Variants in RIOX2 observed in about 807,000 individuals in gnomAD.
The protein encoded by RIOX2 is 60S ribosomal protein L27a histidine hydroxylase.
Under a neutral mutation model 51.2 loss-of-function variants are expected in RIOX2, and 43 were observed. The observed-to-expected ratio is 0.84, with a 90% CI of 0.66 to 1.08. The LOEUF is 1.08. Ranked by LOEUF, RIOX2 falls within the 50% of genes least tolerant of loss-of-function variation. The pLI is 0.00. For missense variants in RIOX2, 566 were observed against 561.7 expected (o/e 1.01, Z -0.08); for synonymous variants, 226 against 218.5 (o/e 1.03, Z -0.30).
chr3:97,968,104 A>G (rs899734834), intron 1 of RIOX2, among the ~76,000 whole-genome samples: 2 of 152,150 alleles, frequency 1.3e-5, no homozygotes, highest in Non-Finnish European at 2.9e-5. Context: ...GCCCACTGCC[A>G]GGTGCTCCTC....
At chr3:97,949,117 T>G (rs1275963321) in intron 7 of RIOX2, among the ~76,000 whole-genome samples, 1 of 152,120 alleles carries the variant, frequency 6.6e-6, no homozygotes, top group Non-Finnish European at 1.5e-5. Flanking sequence ...ATGTTCAAAT[T>G]TGATCCCCAG....
At chr3:97,956,819 G>A (rs568675434) in intron 4 of RIOX2, among the ~76,000 whole-genome samples, 4 of 152,312 alleles carry the variant, frequency 2.6e-5, no homozygotes, top group Non-Finnish European at 4.4e-5. Context: ...AAAGGAGGCA[G>A]CAAAATAATA....
At position 97,949,854 on chromosome 3, in the gene RIOX2, C is replaced by A; in HGVS notation, c.1050G>T (p.Leu350=). The change falls in exon 7 of 10, where the codon CTG becomes CTT. Residue 350 remains leucine, a synonymous_variant. Coordinates refer to ENST00000394198, the MANE Select transcript of RIOX2 (RefSeq NM_153182.4). ...PPYSAGDGAE[L]STPGGKLPRL... is the part of the protein sequence containing the mutation. ...AACAGCAAGCTCCACCTGGTGTTGA[C>A]AGCTCTGCCCCATCTCCCGCAGAGT... 6.2e-7 allele frequency: 1 copy of A among 1,613,446 alleles called. No individual in the cohort carries two copies. The highest frequency in any genetic ancestry group is 8.5e-7 in the Non-Finnish European group (1 of 1,179,760).
rs771839972 is a variant in RIOX2 at position 97,943,364 on chromosome 3, A to ACAT, written c.*1817_*1819dup. On this transcript the variant is annotated 3_prime_UTR_variant, in exon 10 of 10. Coordinates refer to ENST00000394198, the MANE Select transcript of RIOX2 (RefSeq NM_153182.4). ...CCCTAGAAAGAGCAAAGAAGGAAAC[A>ACAT]CATCTGTCATTGTCTTGTGGACGTG... 4.4e-5 allele frequency: 46 copies of ACAT among 1,048,812 alleles called. No homozygotes were observed. Among genetic ancestry groups the ACAT allele is most frequent in the Middle Eastern group, 4.0e-4 (2 of 4,960 alleles). 65.0% of individuals were successfully genotyped at this position (1,048,812 alleles called of 1,614,324 possible).
At chr3:97,956,413 T>C (rs1207502686) in intron 4 of RIOX2, among the ~76,000 whole-genome samples, 1 of 152,218 alleles carries the variant, frequency 6.6e-6, no homozygotes, top group Non-Finnish European at 1.5e-5. Flanking sequence ...AATGAATTTA[T>C]GTTGTTTTAA....
At chr3:97,962,569 C>A (rs1438314627) in intron 2 of RIOX2, among the ~76,000 whole-genome samples, 1 of 152,160 alleles carries the variant, frequency 6.6e-6, no homozygotes, top group Non-Finnish European at 1.5e-5. Flanking sequence ...CTCTTCAGAG[C>A]AGACATCAGA....
rs1489457910 is a variant in RIOX2 at position 97,944,581 on chromosome 3, T to C, written c.*603A>G. 1 of 152,394 alleles carries C rather than the reference T, an allele frequency of 6.6e-6. No homozygotes were observed. The highest frequency in any genetic ancestry group is 1.5e-5 in the Non-Finnish European group (1 of 67,920). 9.4% of individuals were successfully genotyped at this position (152,394 alleles called of 1,614,324 possible). On this transcript the variant is annotated 3_prime_UTR_variant, in exon 10 of 10. Transcript: ENST00000394198. ...TATTTTGAGTATTTTTTATAGACTT[T>C]AAATACTGGGTTTTTTTCCTCCTTC... is the stretch of plus-strand genomic sequence containing the variant.
intron 6 of RIOX2, 68 bp downstream of exon 6, chr3:97,950,718 A>G: frequency 1.6e-6 from 2 of 1,251,422 alleles, no homozygotes; most frequent in Middle Eastern, 1.9e-4. Flanking sequence ...TGGGGTCCTT[A>G]AGGTAGGACT....
Position 97,942,197 on chromosome 3 carries a change from A to G in RIOX2, c.*2987T>C. 8.5e-7 allele frequency: 1 copy of G among 1,180,328 alleles called. No homozygotes were observed. Among genetic ancestry groups the G allele is most frequent in the Non-Finnish European group, 1.2e-6 (1 of 842,324 alleles). The allele number at this position is 1,180,328 out of a possible 1,614,324, so 73.1% of individuals were successfully genotyped here. ...GACACACACACACTTCATGTCTATG[A>G]CTTGTTTACCTAAGATAAAAGGGAC... On this transcript the variant is annotated 3_prime_UTR_variant, in exon 10 of 10. Transcript: ENST00000394198.
intron 4 of RIOX2, among the ~76,000 whole-genome samples, chr3:97,956,084 T>G (rs868021921): frequency 1.3e-5 from 2 of 152,054 alleles, no homozygotes; most frequent in Middle Eastern, 3.2e-3. Context: ...AGAAGTAGGG[T>G]TGTTTAGACC....
intron 7 of RIOX2, 102 bp downstream of exon 7, chr3:97,949,734 ACACGAAAG>A: frequency 1.0e-6 from 1 of 971,454 alleles, no homozygotes; most frequent in Non-Finnish European, 1.6e-6. Context: ...GTCCACATTA[ACACGAAAG>A]CACTTCATAC....
chr3:97,951,959 T>A (rs1452264595), intron 5 of RIOX2, among the ~76,000 whole-genome samples: 1 of 152,222 alleles, frequency 6.6e-6, no homozygotes, highest in African/African-American at 2.4e-5. Context: ...CAACAGCTCA[T>A]GGAGGAATTT....
At chr3:97,965,621 C>A (rs1322188077) in intron 2 of RIOX2, among the ~76,000 whole-genome samples, 1 of 152,072 alleles carries the variant, frequency 6.6e-6, no homozygotes, top group Admixed American at 6.5e-5. Context: ...GTCAACAAGG[C>A]AAAAGAAACA....
At chr3:97,961,568 G>A in intron 3 of RIOX2, 21 bp downstream of exon 3, 1 of 1,582,768 alleles carries the variant, frequency 6.3e-7, no homozygotes, top group Non-Finnish European at 8.6e-7. Context: ...CCAACATGGG[G>A]CAATTTTCTC....
At chr3:97,952,774 G>A (rs1397603244) in intron 5 of RIOX2, among the ~76,000 whole-genome samples, 1 of 152,124 alleles carries the variant, frequency 6.6e-6, no homozygotes, top group East Asian at 1.9e-4. Context: ...ACTCCCTCAA[G>A]TGACCCTGCA....
chr3:97,962,109 G>C (rs1353827601), intron 2 of RIOX2, among the ~76,000 whole-genome samples: 5 of 152,174 alleles, frequency 3.3e-5, no homozygotes, highest in African/African-American at 9.6e-5. Context: ...AGCGAGAAGT[G>C]ACTGGGGTGG....
intron 9 of RIOX2, 125 bp downstream of exon 9, chr3:97,945,673 G>A (rs1358089916): frequency 5.5e-6 from 4 of 720,880 alleles, no homozygotes; most frequent in African/African-American, 5.3e-5. Flanking sequence ...TCTGTGAGTA[G>A]TGCAAAATGG....
chr3:97,952,270 C>CA, intron 5 of RIOX2: 1 of 1,277,970 alleles, frequency 7.8e-7, no homozygotes, highest in Non-Finnish European at 1.0e-6. Flanking sequence ...AGACACAGGT[C>CA]AAAATCCAGC....
In RIOX2 at chr3:97,942,522, C is replaced by T; in HGVS notation, c.*2662G>A. On this transcript the variant is annotated 3_prime_UTR_variant, in exon 10 of 10. Transcript: ENST00000394198. Reference sequence around the variant, plus strand: ...AAATCTCCTCATTTTGGGTAAAGGACATCCTTATGTATAAGAGAAATGTTA... The same window carrying T: ...AAATCTCCTCATTTTGGGTAAAGGATATCCTTATGTATAAGAGAAATGTTA... 7.9e-7 allele frequency: 1 copy of T among 1,262,794 alleles called. No homozygotes were observed. Among genetic ancestry groups the T allele is most frequent in the Non-Finnish European group, 1.1e-6 (1 of 916,038 alleles). 78.2% of individuals were successfully genotyped at this position (1,262,794 alleles called of 1,614,324 possible).
Sources: allele counts gnomAD v4.1 joint callset (sites outside exome capture counted in the v4.1 genomes callset), GRCh38; gene constraint gnomAD v4.1.1; transcripts MANE v1.5; gene names NCBI Gene and HGNC (gene_info 2026-07-23, HGNC 2026-07-21).